The following COLEC12 variants were observed in gnomAD, a reference collection of about 807,000 sequenced individuals.
COLEC12 encodes collectin-12.
COLEC12 carries 33 observed loss-of-function variants against 71.1 expected under a neutral mutation model. The observed-to-expected ratio is 0.46, with a 90% CI of 0.35 to 0.62. The LOEUF is 0.62. COLEC12 is among the 20% of genes least tolerant of loss of function. COLEC12 has a pLI of 0.00. For synonymous variants in COLEC12, 350 were observed against 353.0 expected (o/e 0.99, Z 0.10); for missense variants, 765 against 916.1 (o/e 0.84, Z 2.13).
intron 5 of COLEC12, among the ~76,000 whole-genome samples, chr18:339,057 G>C (rs1234611622): frequency 2.0e-5 from 3 of 146,604 alleles, no homozygotes; most frequent in Non-Finnish European, 4.4e-5. Context: ...TGCTATCCTT[G>C]CAAGTTATGG....
At chr18:493,809 T>A (rs891748895) in intron 1 of COLEC12, among the ~76,000 whole-genome samples, 1 of 152,232 alleles carries the variant, frequency 6.6e-6, no homozygotes, top group African/African-American at 2.4e-5. Flanking sequence ...AGACATGACA[T>A]CATATGGTTT....
intron 5 of COLEC12, among the ~76,000 whole-genome samples, chr18:340,570 A>G (rs566132477): frequency 6.6e-6 from 1 of 152,320 alleles, no homozygotes; most frequent in South Asian, 2.1e-4. Context: ...GAGAAGTTTC[A>G]AATGTGTTTT....
Position 319,859 on chromosome 18 carries a change from A to G in COLEC12, c.*186T>C, listed in dbSNP as rs376439969. 3.6e-5 allele frequency: 22 copies of G among 603,766 alleles called. No individual in the cohort carries two copies. The highest frequency in any genetic ancestry group is 1.9e-4 in the East Asian group (6 of 31,962). 37.4% of individuals were successfully genotyped at this position (603,766 alleles called of 1,614,324 possible). On this transcript the variant is annotated 3_prime_UTR_variant, in exon 10 of 10. Transcript: ENST00000400256. ...GAAAATCAGCATATCACCCTGGGGA[A>G]CATTTTAGTTCCCAAGTCTTTGGGT...
At chr18:481,738 C>T (rs1917421344) in intron 1 of COLEC12, among the ~76,000 whole-genome samples, 1 of 151,972 alleles carries the variant, frequency 6.6e-6, no homozygotes, top group African/African-American at 2.4e-5. Context: ...TGTTTTATCA[C>T]CCAACCTTTC....
chr18:471,329 A>AT (rs1217212914), intron 2 of COLEC12, among the ~76,000 whole-genome samples: 4 of 150,778 alleles, frequency 2.7e-5, no homozygotes, highest in African/African-American at 4.9e-5. Context: ...GAACTTTCTC[A>AT]TTTTTTTTCT....
At chr18:340,741 C>A (rs1293800889) in intron 5 of COLEC12, among the ~76,000 whole-genome samples, 2 of 152,154 alleles carry the variant, frequency 1.3e-5, no homozygotes, top group Non-Finnish European at 2.9e-5. Context: ...CGTTTTTCTT[C>A]TCATTTAAAA....
intron 2 of COLEC12, among the ~76,000 whole-genome samples, chr18:432,527 T>C (rs1309527131): frequency 1.3e-5 from 2 of 152,184 alleles, no homozygotes; most frequent in African/African-American, 4.8e-5. Context: ...TCCAACCTAA[T>C]TGATACATTA....
At chr18:416,373 G>A (rs1439134237) in intron 2 of COLEC12, among the ~76,000 whole-genome samples, 1 of 152,170 alleles carries the variant, frequency 6.6e-6, no homozygotes, top group African/African-American at 2.4e-5. Context: ...TGATATAGAG[G>A]GAAGGATGAA....
At chr18:320,704 T>C (rs1239977840) in intron 9 of COLEC12, among the ~76,000 whole-genome samples, 1 of 152,248 alleles carries the variant, frequency 6.6e-6, no homozygotes, top group Non-Finnish European at 1.5e-5. Flanking sequence ...TTTTAGAACA[T>C]TTCCATCACC....
At position 327,143 on chromosome 18, in the gene COLEC12, G is replaced by A. The variant is rs898292118; in HGVS notation, c.2063+4525C>T. On this transcript the variant is annotated intron_variant, in intron 8 of 9. Coordinates refer to ENST00000400256, the MANE Select transcript of COLEC12 (RefSeq NM_130386.3). The surrounding 1 kb of genome is among the most constrained non-coding windows in gnomAD (Gnocchi z 4.0). Reference sequence around the variant, plus strand: ...GGGCTGGGTGTTGGCCAAGAATGAAGTTTTCACAGGACCTGGTGAAATGAG... The same window carrying A: ...GGGCTGGGTGTTGGCCAAGAATGAAATTTTCACAGGACCTGGTGAAATGAG... Among the ~76,000 whole-genome samples, 15 of 152,192 alleles carry A rather than the reference G, an allele frequency of 9.9e-5. No homozygotes were observed. Among genetic ancestry groups the A allele is most frequent in the Non-Finnish European group, 2.1e-4 (14 of 68,038 alleles).
At position 480,814 on chromosome 18, in the gene COLEC12, G is replaced by A. The variant is rs1917401036; in HGVS notation, c.8-57C>T. 1 of 1,489,988 alleles carries A rather than the reference G, an allele frequency of 6.7e-7. No individual in the cohort carries two copies. The highest frequency in any genetic ancestry group is 9.4e-7 in the Non-Finnish European group (1 of 1,066,762). The allele number at this position is 1,489,988 out of a possible 1,614,324, so 92.3% of individuals were successfully genotyped here. ...CTGGCAAGGGGCACAGAAGCAGAGG[G>A]TGGGGCAGGATGCGACCTGCTTCAT... On this transcript the variant is annotated intron_variant, in intron 1 of 9. Transcript: ENST00000400256. This position sits in a 1 kb window ranked among gnomAD's most constrained non-coding sequence, Gnocchi z 4.1.
At chr18:456,452 G>A (rs560049291) in intron 2 of COLEC12, among the ~76,000 whole-genome samples, 69 of 152,268 alleles carry the variant, frequency 4.5e-4, no homozygotes, top group Middle Eastern at 3.4e-3. Flanking sequence ...GGAGGGAAAG[G>A]CCGCCCAGAA....
intron 2 of COLEC12, chr18:424,519 G>C (rs1916160565): frequency 6.6e-6 from 1 of 152,170 alleles, no homozygotes; most frequent in Non-Finnish European, 1.5e-5. Flanking sequence ...AGAGGCTTCT[G>C]CCTGATTATT....
intron 2 of COLEC12, among the ~76,000 whole-genome samples, chr18:441,658 C>G (rs1916538031): frequency 6.6e-6 from 1 of 152,088 alleles, no homozygotes; most frequent in African/African-American, 2.4e-5. Flanking sequence ...AGGACAAATA[C>G]TAACAATGTT....
intron 2 of COLEC12, among the ~76,000 whole-genome samples, chr18:441,211 G>A (rs1239909844): frequency 2.0e-5 from 3 of 150,764 alleles, no homozygotes; most frequent in Non-Finnish European, 3.0e-5. Flanking sequence ...TTGTGCCACT[G>A]CACTCCAGCC....
At chr18:437,988 A>G (rs988425510) in intron 2 of COLEC12, among the ~76,000 whole-genome samples, 6 of 152,338 alleles carry the variant, frequency 3.9e-5, no homozygotes, top group African/African-American at 1.2e-4. Flanking sequence ...CTACATACAT[A>G]GGTTACGTGT....
chr18:381,341 G>T (rs757171062), intron 2 of COLEC12, among the ~76,000 whole-genome samples: 1 of 152,114 alleles, frequency 6.6e-6, no homozygotes, highest in Non-Finnish European at 1.5e-5. Context: ...TTCTGTTCAC[G>T]TCAACATAAA....
chr18:363,083 A>T (rs1010765273), intron 2 of COLEC12, among the ~76,000 whole-genome samples: 9 of 152,212 alleles, frequency 5.9e-5, no homozygotes, highest in Non-Finnish European at 1.2e-4. Context: ...GGTTGGGGGA[A>T]TAATTGAAAC....
chr18:411,149 A>G (rs970914289), intron 2 of COLEC12, among the ~76,000 whole-genome samples: 2 of 152,210 alleles, frequency 1.3e-5, no homozygotes, highest in East Asian at 1.9e-4. Flanking sequence ...TCAGGTATCA[A>G]TGGAGATCCA....
Sources: gnomAD v4.1 joint callset for allele counts (sites outside exome capture counted in the v4.1 genomes callset) on GRCh38, gnomAD v4.1.1 for gene constraint, Gnocchi (gnomAD v3.1) non-coding constraint, MANE v1.5 for transcripts, NCBI Gene and HGNC (gene_info 2026-07-23, HGNC 2026-07-21) for gene names.